Variants in CELF2 observed in about 807,000 individuals in gnomAD.
CELF2 encodes CUGBP Elav-like family member 2, also known as CUG triplet repeat RNA-binding protein 2.
In CELF2, 8 loss-of-function variants were observed where a neutral mutation model predicts 62.6. That is an observed-to-expected ratio of 0.13 (90% confidence interval 0.07 to 0.23). The LOEUF is 0.23. Among genes scored for constraint, CELF2 ranks in the 10% least tolerant of loss-of-function variants. CELF2 has a pLI of 1.00. For synonymous variants in CELF2, 258 were observed against 250.0 expected (o/e 1.03, Z -0.30); for missense variants, 333 against 671.0 (o/e 0.50, Z 5.56).
intron 1 of CELF2, among the ~76,000 whole-genome samples, chr10:11,122,307 A>C (rs769124096): frequency 1.3e-5 from 2 of 152,194 alleles, no homozygotes; most frequent in Admixed American, 1.3e-4. Context: ...CTTTTTAAAA[A>C]TTTGCAATAA....
chr10:11,045,679 AAGT>A, intron 1 of CELF2, among the ~76,000 whole-genome samples: 1 of 152,338 alleles, frequency 6.6e-6, no homozygotes, highest in Non-Finnish European at 1.5e-5. Flanking sequence ...AAAGGGCTAT[AAGT>A]AGAGCAATAA....
At chr10:11,121,548 C>T (rs2057739587) in intron 1 of CELF2, among the ~76,000 whole-genome samples, 1 of 152,152 alleles carries the variant, frequency 6.6e-6, no homozygotes, top group South Asian at 2.1e-4. Flanking sequence ...GCTGGGGATA[C>T]AGTGATGAAC....
chr10:10,894,639 A>G (rs2062405459), intron 1 of CELF2, among the ~76,000 whole-genome samples: 1 of 151,962 alleles, frequency 6.6e-6, no homozygotes, highest in Non-Finnish European at 1.5e-5. Context: ...TTAACTAGAA[A>G]GAAGGATCCA....
intron 9 of CELF2, among the ~76,000 whole-genome samples, chr10:11,310,232 G>A (rs2094489693): frequency 6.6e-6 from 1 of 152,156 alleles, no homozygotes; most frequent in Non-Finnish European, 1.5e-5. Flanking sequence ...TGTCAATGTT[G>A]GTAGTCTCCC....
the CELF2 span, among the ~76,000 whole-genome samples, chr10:10,700,497 A>G: frequency 1.6e-4 from 24 of 152,354 alleles, no homozygotes; most frequent in South Asian, 1.9e-3. Flanking sequence ...GCAGCATAGC[A>G]TAAAGATTCC....
intron 1 of CELF2, among the ~76,000 whole-genome samples, chr10:10,865,854 C>G (rs1351989727): frequency 6.6e-6 from 1 of 151,234 alleles, no homozygotes; most frequent in African/African-American, 2.4e-5. Flanking sequence ...TGAAGATAAG[C>G]CTGTTTGAGC....
At chr10:10,737,929 C>T in the CELF2 span, among the ~76,000 whole-genome samples, 7 of 152,204 alleles carry the variant, frequency 4.6e-5, no homozygotes, top group African/African-American at 1.7e-4. Context: ...GAAGAAAAGG[C>T]AAACTCTTTG....
the CELF2 span, among the ~76,000 whole-genome samples, chr10:10,701,931 TCTC>T: frequency 2.0e-5 from 3 of 152,164 alleles, no homozygotes; most frequent in Non-Finnish European, 4.4e-5. Context: ...CTCATGAACT[TCTC>T]CTGCGAAAAG....
intron 1 of CELF2, among the ~76,000 whole-genome samples, chr10:10,866,147 T>A (rs569494081): frequency 1.6e-4 from 25 of 152,276 alleles, no homozygotes; most frequent in Middle Eastern, 3.4e-3. Context: ...TGCACCTGCT[T>A]TTCCCTCTCA....
intron 2 of CELF2, among the ~76,000 whole-genome samples, chr10:10,929,286 T>C (rs1037793285): frequency 2.0e-5 from 3 of 152,214 alleles, no homozygotes; most frequent in Admixed American, 2.0e-4. Context: ...TATTATGTTA[T>C]TATCTCTGCC....
chr10:11,273,256 C>T (rs895262683), intron 7 of CELF2, among the ~76,000 whole-genome samples: 4 of 152,018 alleles, frequency 2.6e-5, no homozygotes, highest in African/African-American at 9.7e-5. Context: ...TTGTTAGGAA[C>T]CGGACCGCCC....
chr10:10,943,186 C>A (rs1181748827), intron 2 of CELF2, among the ~76,000 whole-genome samples: 11 of 152,200 alleles, frequency 7.2e-5, no homozygotes, highest in Admixed American at 7.2e-4. Flanking sequence ...ATCTCTCCAA[C>A]TGATGTCATC....
intron 2 of CELF2, among the ~76,000 whole-genome samples, chr10:11,190,925 G>C (rs1428572925): frequency 6.6e-6 from 1 of 152,132 alleles, no homozygotes; most frequent in African/African-American, 2.4e-5. Flanking sequence ...GTGTAAGGGG[G>C]ATGGAGGTTT....
At chr10:11,239,936 C>T (rs888140196) in intron 3 of CELF2, among the ~76,000 whole-genome samples, 5 of 152,056 alleles carry the variant, frequency 3.3e-5, no homozygotes, top group South Asian at 2.1e-4. Context: ...GCCTGTAATC[C>T]CAGCTATTCG....
chr10:11,329,244 G>A lies in CELF2; in HGVS notation c.*191G>A, dbSNP rs933485089. On this transcript the variant is annotated 3_prime_UTR_variant, in exon 13 of 13. Transcript: ENST00000633077. This position sits in a 1 kb window ranked among gnomAD's most constrained non-coding sequence, Gnocchi z 5.5. ...ACCCAGTTTGCCATAATTAAAACTT[G>A]GGCTACTTTGTTTCTATTGAGTAAT... The A allele has an allele frequency of 2.3e-6, 1 of 434,434 alleles. No homozygotes were observed. Among genetic ancestry groups the A allele is most frequent in the Non-Finnish European group, 3.9e-6 (1 of 254,520 alleles). The allele number at this position is 434,434 out of a possible 1,614,324, so 26.9% of individuals were successfully genotyped here.
At chr10:10,546,071 G>T in the CELF2 span, among the ~76,000 whole-genome samples, 2 of 152,098 alleles carry the variant, frequency 1.3e-5, no homozygotes, top group African/African-American at 4.8e-5. Flanking sequence ...ATCAGGAAAA[G>T]AAATCTGACA....
chr10:11,186,485 A>AT (rs1441192449), intron 2 of CELF2, among the ~76,000 whole-genome samples: 1 of 151,892 alleles, frequency 6.6e-6, no homozygotes, highest in African/African-American at 2.4e-5. Flanking sequence ...CCTAAGTACC[A>AT]TTTTACCTAC....
At chr10:10,638,380 TTCATTCAC>T in the CELF2 span, among the ~76,000 whole-genome samples, 1 of 120,058 alleles carries the variant, frequency 8.3e-6, no homozygotes, top group African/African-American at 3.0e-5. Flanking sequence ...CATTCATTCA[TTCATTCAC>T]TCATTCATGA....
At chr10:10,754,353 G>T in the CELF2 span, among the ~76,000 whole-genome samples, 1 of 151,930 alleles carries the variant, frequency 6.6e-6, no homozygotes, top group Non-Finnish European at 1.5e-5. Context: ...GGTTTTGCCA[G>T]GTTTCCCAGG....
Sources: allele counts gnomAD v4.1 joint callset (sites outside exome capture counted in the v4.1 genomes callset), GRCh38; gene constraint gnomAD v4.1.1; non-coding constraint Gnocchi (gnomAD v3.1); transcripts MANE v1.5; gene names NCBI Gene and HGNC (gene_info 2026-07-23, HGNC 2026-07-21).